PDZRN3: variants seen among roughly 807,000 people sequenced by gnomAD.
The protein encoded by PDZRN3 is PDZ domain containing ring finger 3, also known as E3 ubiquitin-protein ligase PDZRN3.
A neutral mutation model predicts 85.7 loss-of-function variants in PDZRN3; 38 were observed. That is an observed-to-expected ratio of 0.44 (90% CI 0.34 to 0.58). The LOEUF is 0.58. Ranked by LOEUF, PDZRN3 falls within the 20% of genes least tolerant of loss-of-function variation. PDZRN3 has a pLI of 0.01. For synonymous variants in PDZRN3, 759 were observed against 638.0 expected, an observed-to-expected ratio of 1.19 and a Z score of -2.86; for missense variants, 1,629 against 1,506.4, an observed-to-expected ratio of 1.08 and a Z score of -1.35.
At chr3:73,420,122 T>C (rs929051002) in intron 3 of PDZRN3, among the ~76,000 whole-genome samples, 1 of 152,218 alleles carries the variant, frequency 6.6e-6, no homozygotes, top group African/African-American at 2.4e-5. Context: ...ATTAAAGTAT[T>C]ATCAGTGAAA....
At chr3:73,569,476 C>T in intron 3 of PDZRN3, 2 of 1,105,890 alleles carry the variant, frequency 1.8e-6, no homozygotes, top group African/African-American at 1.7e-5. Flanking sequence ...ACAATTTCCA[C>T]TGCACAGAAT....
chr3:73,609,599 G>T (rs541194362), intron 1 of PDZRN3, among the ~76,000 whole-genome samples: 1 of 152,126 alleles, frequency 6.6e-6, no homozygotes, highest in African/African-American at 2.4e-5. Context: ...CCTATAAATC[G>T]GCATTTGCTT....
At chr3:73,574,585 A>C (rs535319072) in intron 3 of PDZRN3, among the ~76,000 whole-genome samples, 8 of 151,990 alleles carry the variant, frequency 5.3e-5, no homozygotes, top group Non-Finnish European at 1.2e-4. Flanking sequence ...CAGCCTCCCA[A>C]GTAGCTGGGA....
At chr3:73,388,213 ATACTGATGTTAGGAAG>A in intron 7 of PDZRN3, 144 bp from the exon 8 acceptor site, 1 of 546,688 alleles carries the variant, frequency 1.8e-6, no homozygotes, top group East Asian at 3.0e-5. Flanking sequence ...CTGGAAAAGA[ATACTGATGTTAGGAAG>A]GAAAGGTCTT....
intron 3 of PDZRN3, among the ~76,000 whole-genome samples, chr3:73,597,682 G>C (rs1189953621): frequency 6.7e-6 from 1 of 150,194 alleles, no homozygotes; most frequent in Non-Finnish European, 1.5e-5. Context: ...ACAAGTCTTT[G>C]AGAAAGAATT....
At chr3:73,623,963 C>G in intron 1 of PDZRN3, 140 bp downstream of exon 1, 1 of 829,148 alleles carries the variant, frequency 1.2e-6, no homozygotes, top group East Asian at 3.4e-5. Flanking sequence ...AGTGATACAG[C>G]TGGTAAGCAG....
chr3:73,385,685 G>A lies in PDZRN3; in HGVS notation c.1619C>T (p.Ala540Val), dbSNP rs1701363643. 6.2e-7 allele frequency: 1 copy of A among 1,607,772 alleles called. No homozygotes were observed. The highest frequency in any genetic ancestry group is 8.5e-7 in the Non-Finnish European group (1 of 1,174,462). The change falls in exon 9 of 10, where the codon GCT becomes GTT. Residue 540 changes from alanine to valine, a missense_variant. Coordinates refer to ENST00000263666, the MANE Select transcript of PDZRN3 (RefSeq NM_015009.3). ...GGGCGTTACCTGCTGCAGCACGCTA[G>A]CTGTGAATTGCATGGCCTGGTGGTG... ...EQHHQAMQFT[A>V]SVLQQKKHDE...
intron 5 of PDZRN3, among the ~76,000 whole-genome samples, chr3:73,397,119 C>T (rs986317474): frequency 2.6e-5 from 4 of 151,854 alleles, no homozygotes; most frequent in South Asian, 2.1e-4. Context: ...ATGCAACCTC[C>T]GCCTCCTGGG....
chr3:73,384,691 G>A lies in PDZRN3; in HGVS notation c.1875C>T (p.Phe625=). The change falls in exon 10 of 10, where the codon TTC becomes TTT. Residue 625 remains phenylalanine, a synonymous_variant. Transcript: ENST00000263666. The stretch of plus-strand genomic sequence containing the variant: ...CGGCGTCCGTGCAGTCGGCCGAAAT[G>A]AAAGACTCGTTGCTGAAGGGCAGGT... ...SGDLPFSNES[F]ISADCTDADY... The A allele has an allele frequency of 6.2e-7, 1 of 1,614,048 alleles. No homozygotes were observed. The highest frequency in any genetic ancestry group is 8.5e-7 in the Non-Finnish European group (1 of 1,180,042).
chr3:73,529,769 C>A (rs923057660), intron 3 of PDZRN3, among the ~76,000 whole-genome samples: 3 of 152,224 alleles, frequency 2.0e-5, no homozygotes, highest in African/African-American at 7.2e-5. Flanking sequence ...TTCCCTCAAA[C>A]AAACCAAAAA....
At chr3:73,619,425 C>T (rs949711602) in intron 1 of PDZRN3, among the ~76,000 whole-genome samples, 36 of 152,290 alleles carry the variant, frequency 2.4e-4, no homozygotes, top group African/African-American at 7.7e-4. Context: ...ATGTAGTCTG[C>T]GAGGTCCGAG....
rs1553694903 is a variant in PDZRN3 at position 73,489,575 on chromosome 3, C to CTTTTTTTCTTT, written c.919-85181_919-85180insAAAGAAAAAAA. On this transcript the variant is annotated intron_variant, in intron 3 of 9. Transcript: ENST00000263666. ...GCCATGCATATGGGCAGTTTCTTTT[C>CTTTTTTTCTTT]TTTTTTTTTTTTTTTGAGATGGAGT... Among the ~76,000 whole-genome samples the CTTTTTTTCTTT allele has an allele frequency of 2.9e-4, 23 of 80,096 alleles. 3 individuals carry two copies. Among genetic ancestry groups the CTTTTTTTCTTT allele is most frequent in the African/African-American group, 7.7e-4 (16 of 20,764 alleles). 52.5% of individuals were successfully genotyped at this position (80,096 alleles called of 152,430 possible).
intron 3 of PDZRN3, among the ~76,000 whole-genome samples, chr3:73,448,029 T>A (rs1702785422): frequency 6.6e-6 from 1 of 152,192 alleles, no homozygotes; most frequent in Admixed American, 6.5e-5. Context: ...TCTTCCCACC[T>A]CTCTTCTGTC....
intron 3 of PDZRN3, among the ~76,000 whole-genome samples, chr3:73,435,313 A>C (rs1424710864): frequency 1.3e-5 from 2 of 151,910 alleles, no homozygotes; most frequent in African/African-American, 4.8e-5. Flanking sequence ...CCAGGCCCTC[A>C]CCTGGTGTCA....
At chr3:73,601,966 CCAAAGCTGACA>C (rs1329731322) in intron 3 of PDZRN3, among the ~76,000 whole-genome samples, 1 of 152,092 alleles carries the variant, frequency 6.6e-6, no homozygotes, top group Non-Finnish European at 1.5e-5. Flanking sequence ...TAGAATGACT[CCAAAGCTGACA>C]CAATTGTACC....
chr3:73,571,592 A>G (rs1290618333), intron 3 of PDZRN3, among the ~76,000 whole-genome samples: 1 of 152,038 alleles, frequency 6.6e-6, no homozygotes, highest in African/African-American at 2.4e-5. Flanking sequence ...ACATTTTTCA[A>G]AGACCAATGC....
chr3:73,406,963 C>T (rs1252968275), intron 3 of PDZRN3, among the ~76,000 whole-genome samples: 1 of 152,298 alleles, frequency 6.6e-6, no homozygotes, highest in South Asian at 2.1e-4. Flanking sequence ...CCATCCTCAC[C>T]CCAATGCTCC....
At chr3:73,500,820 A>C (rs986005476) in intron 3 of PDZRN3, among the ~76,000 whole-genome samples, 43 of 152,248 alleles carry the variant, frequency 2.8e-4, no homozygotes, top group African/African-American at 1.0e-3. Flanking sequence ...AAAGCCTTCA[A>C]TCTTAAGGCT....
chr3:73,444,741 A>G (rs1702715418), intron 3 of PDZRN3, among the ~76,000 whole-genome samples: 1 of 152,190 alleles, frequency 6.6e-6, no homozygotes, highest in Non-Finnish European at 1.5e-5. Context: ...GGTAACTACA[A>G]TATAACTCTT....
Sources: gnomAD v4.1 joint callset for allele counts (sites outside exome capture counted in the v4.1 genomes callset) on GRCh38, gnomAD v4.1.1 for gene constraint, MANE v1.5 for transcripts, NCBI Gene and HGNC (gene_info 2026-07-23, HGNC 2026-07-21) for gene names.